Variants in CTNNA2 observed in about 807,000 individuals in gnomAD.
CTNNA2 encodes catenin alpha-2.
CTNNA2 carries 42 observed loss-of-function variants against 101.0 expected under a neutral mutation model. The ratio of observed to expected loss-of-function variants is 0.42; its 90% CI spans 0.32 to 0.54. The LOEUF (loss-of-function observed/expected upper bound fraction) is 0.54, where lower values mean the gene tolerates loss of function less well. Among genes scored for constraint, CTNNA2 ranks in the 20% least tolerant of loss-of-function variants. CTNNA2 has a pLI of 0.14. For synonymous variants in CTNNA2, 450 were observed against 456.4 expected, an observed-to-expected ratio of 0.99 and a Z score of 0.18; for missense variants, 871 against 1,223.1, an observed-to-expected ratio of 0.71 and a Z score of 4.29.
At chr2:80,248,471 G>A (rs1671509706) in intron 7 of CTNNA2, among the ~76,000 whole-genome samples, 1 of 152,168 alleles carries the variant, frequency 6.6e-6, no homozygotes, top group South Asian at 2.1e-4. Flanking sequence ...CTAAGGGTTT[G>A]CAGGGTCTTC....
rs1480896388 is a variant in CTNNA2, at chr2:79,216,687, G to T, written c.-406+18611G>T. ...AGAAAAGCGGTACTTGTGGCTAAGGGTGAAGGAGAAGGGGTTGGGGGGTTC... is the reference window on the plus strand; with the variant it reads ...AGAAAAGCGGTACTTGTGGCTAAGGTTGAAGGAGAAGGGGTTGGGGGGTTC... On this transcript the variant is annotated intron_variant, in intron 2 of 21. Transcript: ENST00000466387. 4.6e-5 allele frequency among the ~76,000 whole-genome samples: 7 copies of T among 150,728 alleles called. No homozygotes were observed. In the East Asian group the frequency reaches 7.9e-4, roughly 17 times the overall value.
intron 9 of CTNNA2, among the ~76,000 whole-genome samples, chr2:80,421,874 G>A (rs567871970): frequency 1.3e-5 from 2 of 151,186 alleles, no homozygotes; most frequent in South Asian, 2.1e-4. Context: ...TTTGAAAAGT[G>A]TGTGGATATG....
intron 1 of CTNNA2, among the ~76,000 whole-genome samples, chr2:79,636,673 AATGT>A (rs1478892077): frequency 6.6e-6 from 1 of 152,140 alleles, no homozygotes; most frequent in East Asian, 1.9e-4. Flanking sequence ...AATATATATA[AATGT>A]ATAAGGTGAA....
chr2:80,010,289 A>G (rs1693682594), intron 7 of CTNNA2, among the ~76,000 whole-genome samples: 1 of 152,058 alleles, frequency 6.6e-6, no homozygotes, highest in African/African-American at 2.4e-5. Context: ...GTCCTCATTA[A>G]CTATTCTGTA....
chr2:80,416,936 T>A (rs1318614289), intron 8 of CTNNA2, among the ~76,000 whole-genome samples: 1 of 152,002 alleles, frequency 6.6e-6, no homozygotes, highest in East Asian at 1.9e-4. Flanking sequence ...TTGGCATAAA[T>A]CTTTACTATT....
At chr2:79,968,205 T>A (rs1034058167) in intron 7 of CTNNA2, among the ~76,000 whole-genome samples, 1 of 137,952 alleles carries the variant, frequency 7.2e-6, no homozygotes, top group Non-Finnish European at 1.5e-5. Flanking sequence ...ATGTTAATTT[T>A]ACTTCAATAA....
At chr2:79,715,213 A>C (rs1444550949) in intron 2 of CTNNA2, among the ~76,000 whole-genome samples, 1 of 149,842 alleles carries the variant, frequency 6.7e-6, no homozygotes, top group Non-Finnish European at 1.5e-5. Context: ...GTCAAAAAAA[A>C]AAAAAAAAAA....
chr2:79,755,506 C>T (rs1262253391), intron 3 of CTNNA2, among the ~76,000 whole-genome samples: 1 of 152,140 alleles, frequency 6.6e-6, no homozygotes, highest in African/African-American at 2.4e-5. Flanking sequence ...CTTCTCCTCC[C>T]CTTCCTTATA....
At chr2:79,361,095 T>G (rs553617733) in intron 3 of CTNNA2, among the ~76,000 whole-genome samples, 1 of 152,300 alleles carries the variant, frequency 6.6e-6, no homozygotes, top group Non-Finnish European at 1.5e-5. Context: ...GCTTAACTAT[T>G]ATTACTTTCT....
At chr2:79,951,910 A>ATT (rs753886713) in intron 7 of CTNNA2, among the ~76,000 whole-genome samples, 25 of 152,142 alleles carry the variant, frequency 1.6e-4, no homozygotes, top group Non-Finnish European at 3.1e-4. Flanking sequence ...TCTTTTGACA[A>ATT]TTGCATGTGC....
intron 4 of CTNNA2, chr2:79,499,370 A>G (rs1671294329): frequency 6.6e-6 from 1 of 152,174 alleles, no homozygotes; most frequent in Admixed American, 6.5e-5. Flanking sequence ...AGACTGATGC[A>G]ATTCCCTGAT....
At chr2:80,146,001 A>T (rs1200904295) in intron 7 of CTNNA2, among the ~76,000 whole-genome samples, 1 of 152,148 alleles carries the variant, frequency 6.6e-6, no homozygotes, top group Admixed American at 6.5e-5. Flanking sequence ...TATACTCTGT[A>T]ACTTCCATGG....
At chr2:80,225,735 T>C (rs1406509066) in intron 7 of CTNNA2, among the ~76,000 whole-genome samples, 1 of 152,204 alleles carries the variant, frequency 6.6e-6, no homozygotes, top group Non-Finnish European at 1.5e-5. Flanking sequence ...GAATTAGATT[T>C]TATTAAAATA....
intron 7 of CTNNA2, among the ~76,000 whole-genome samples, chr2:80,147,900 C>T (rs530583806): frequency 8.5e-5 from 13 of 152,202 alleles, no homozygotes; most frequent in African/African-American, 1.9e-4. Flanking sequence ...GCTTTTAGAG[C>T]GGATGTACAG....
chr2:80,053,675 T>C (rs72924624), intron 7 of CTNNA2, among the ~76,000 whole-genome samples: 5,440 of 152,296 alleles, frequency 0.036, 319 homozygotes, highest in African/African-American at 0.12. Flanking sequence ...AGCAAACTCC[T>C]AGCCCTTGAT....
Position 79,531,907 on chromosome 2 carries a change from C to G in CTNNA2, c.-6+18700C>G, listed in dbSNP as rs190804122. On this transcript the variant is annotated intron_variant, in intron 1 of 18. Transcript: ENST00000402739. ...ATGTTGGTCAGGCTGGTCTCGAACT[C>G]CTGACCTCGTGATCTGCCCGCCTTG... 2.2e-3 allele frequency among the ~76,000 whole-genome samples: 337 copies of G among 152,172 alleles called. 1 individual carries two copies. The highest frequency in any genetic ancestry group is 7.7e-3 in the African/African-American group (322 of 41,550).
chr2:79,662,789 T>C (rs1464447176), intron 2 of CTNNA2, among the ~76,000 whole-genome samples: 1 of 152,194 alleles, frequency 6.6e-6, no homozygotes, highest in Admixed American at 6.5e-5. Context: ...ATAAAAAAAC[T>C]AACCAGTGAT....
At chr2:79,990,754 C>A (rs1050525750) in intron 7 of CTNNA2, among the ~76,000 whole-genome samples, 1 of 152,012 alleles carries the variant, frequency 6.6e-6, no homozygotes, top group Non-Finnish European at 1.5e-5. Flanking sequence ...TTTGTTGTGT[C>A]TCTGCCAGGC....
chr2:79,257,615 A>C (rs1225806191), intron 2 of CTNNA2, among the ~76,000 whole-genome samples: 1 of 152,064 alleles, frequency 6.6e-6, no homozygotes, highest in African/African-American at 2.4e-5. Flanking sequence ...GAACCATACC[A>C]CTCCAAGAAT....
Sources: gnomAD v4.1 joint callset for allele counts (sites outside exome capture counted in the v4.1 genomes callset) on GRCh38, gnomAD v4.1.1 for gene constraint, MANE v1.5 for transcripts, NCBI Gene and HGNC (gene_info 2026-07-23, HGNC 2026-07-21) for gene names.